Variants in SETD3 observed in about 807,000 individuals in gnomAD.
The protein encoded by SETD3 is SET domain containing 3, actin N3(tau)-histidine methyltransferase, also known as actin-histidine N-methyltransferase.
Under a neutral mutation model 63.0 loss-of-function variants are expected in SETD3, and 19 were observed. That is an observed-to-expected ratio of 0.30 (90% CI 0.21 to 0.44). The LOEUF is 0.44. SETD3 is among the 20% of genes least tolerant of loss of function. The pLI is 1.00. For synonymous variants in SETD3, 286 were observed against 264.1 expected, an observed-to-expected ratio of 1.08 and a Z score of -0.80; for missense variants, 587 against 728.5, an observed-to-expected ratio of 0.81 and a Z score of 2.24.
chr14:99,413,125 AATAAC>A (rs1370262244), intron 7 of SETD3, 60 bp from the exon 8 acceptor site: 16 of 971,570 alleles, frequency 1.6e-5, no homozygotes, highest in Admixed American at 1.1e-4. Flanking sequence ...TGCAGTAAGA[AATAAC>A]ATAACCAAAA....
chr14:99,420,174 C>A (rs1476406348), intron 6 of SETD3, among the ~76,000 whole-genome samples: 2 of 152,130 alleles, frequency 1.3e-5, no homozygotes, highest in Non-Finnish European at 2.9e-5. Context: ...GCCTTTCCCA[C>A]GCTGGCCTCA....
intron 6 of SETD3, among the ~76,000 whole-genome samples, chr14:99,417,344 A>C (rs1241977682): frequency 6.6e-6 from 1 of 152,266 alleles, no homozygotes; most frequent in East Asian, 1.9e-4. Flanking sequence ...AAACCTGTCG[A>C]TATCTCTGGA....
At chr14:99,441,552 G>A (rs753850926) in intron 6 of SETD3, among the ~76,000 whole-genome samples, 1 of 152,248 alleles carries the variant, frequency 6.6e-6, no homozygotes, top group East Asian at 1.9e-4. Context: ...CCGCACGCTA[G>A]CACAGATGTC....
chr14:99,417,006 C>T (rs915399958), intron 6 of SETD3, among the ~76,000 whole-genome samples: 4 of 152,032 alleles, frequency 2.6e-5, no homozygotes, highest in African/African-American at 9.7e-5. Context: ...ATTGTTTGTT[C>T]GGCTTCAATA....
At chr14:99,437,266 C>T (rs1387743281) in intron 6 of SETD3, among the ~76,000 whole-genome samples, 1 of 152,170 alleles carries the variant, frequency 6.6e-6, no homozygotes, top group African/African-American at 2.4e-5. Context: ...GTCTACCTTG[C>T]CACCTCCCTG....
chr14:99,461,446 C>T (rs923172084), intron 3 of SETD3, 106 bp from the exon 4 acceptor site: 4 of 1,091,806 alleles, frequency 3.7e-6, no homozygotes, highest in Non-Finnish European at 5.3e-6. Context: ...TGGAAATAGT[C>T]TTAACACGCC....
chr14:99,457,535 G>T (rs534336483), intron 6 of SETD3, among the ~76,000 whole-genome samples: 1 of 152,328 alleles, frequency 6.6e-6, no homozygotes, highest in African/African-American at 2.4e-5. Context: ...CAAAGACAAG[G>T]AAAGCGAGCA....
intron 6 of SETD3, among the ~76,000 whole-genome samples, chr14:99,451,954 T>C (rs991295425): frequency 6.6e-6 from 1 of 152,190 alleles, no homozygotes; most frequent in Non-Finnish European, 1.5e-5. Context: ...AGAAGATATT[T>C]GACATACACT....
At chr14:99,445,202 C>G (rs1894065939) in intron 6 of SETD3, among the ~76,000 whole-genome samples, 1 of 152,190 alleles carries the variant, frequency 6.6e-6, no homozygotes, top group African/African-American at 2.4e-5. Context: ...ACGACCTGAA[C>G]TTGGTCTCAT....
chr14:99,424,390 C>A (rs1337657289), intron 6 of SETD3, among the ~76,000 whole-genome samples: 1 of 152,062 alleles, frequency 6.6e-6, no homozygotes, highest in Non-Finnish European at 1.5e-5. Context: ...GGGAAAGAAG[C>A]CAGACCCCAG....
intron 6 of SETD3, among the ~76,000 whole-genome samples, chr14:99,433,985 GA>G (rs1463280055): frequency 3.9e-5 from 6 of 152,162 alleles, no homozygotes; most frequent in African/African-American, 1.4e-4. Context: ...CCACTTCAGA[GA>G]ACGGTTTATC....
intron 1 of SETD3, among the ~76,000 whole-genome samples, chr14:99,467,797 G>A (rs1476119156): frequency 6.6e-6 from 1 of 152,082 alleles, no homozygotes; most frequent in Non-Finnish European, 1.5e-5. Context: ...GTTCTGCACC[G>A]GCCCTCACAG....
At chr14:99,480,432 G>A (rs1025729092) in intron 1 of SETD3, among the ~76,000 whole-genome samples, 4 of 151,722 alleles carry the variant, frequency 2.6e-5, no homozygotes, top group Non-Finnish European at 4.4e-5. Context: ...GAGCGTGGGC[G>A]CCAGAGGGGA....
intron 6 of SETD3, among the ~76,000 whole-genome samples, chr14:99,427,405 T>G (rs1378167079): frequency 6.6e-6 from 1 of 152,330 alleles, no homozygotes; most frequent in East Asian, 1.9e-4. Context: ...ATATTTACTG[T>G]GCTACTCTTG....
At chr14:99,400,054 TAAC>T in intron 12 of SETD3, 42 bp downstream of exon 12, 1 of 1,536,582 alleles carries the variant, frequency 6.5e-7, no homozygotes, top group Non-Finnish European at 8.8e-7. Context: ...TTAAACATCT[TAAC>T]AACACAACAA....
intron 11 of SETD3, among the ~76,000 whole-genome samples, chr14:99,400,860 C>T (rs1373453091): frequency 1.3e-5 from 2 of 152,188 alleles, no homozygotes; most frequent in African/African-American, 4.8e-5. Context: ...AGTTAATGGG[C>T]CGGGCGCAGT....
chr14:99,427,759 G>A (rs1361367294), intron 6 of SETD3, among the ~76,000 whole-genome samples: 1 of 152,204 alleles, frequency 6.6e-6, no homozygotes, highest in Non-Finnish European at 1.5e-5. Context: ...CTTTTAAGGA[G>A]CCAACGACTT....
chr14:99,459,587 C>T (rs148234972), intron 4 of SETD3, among the ~76,000 whole-genome samples: 21 of 152,298 alleles, frequency 1.4e-4, no homozygotes, highest in African/African-American at 4.6e-4. Context: ...CCTAATCTGT[C>T]GATGTGAATT....
Position 99,405,655 on chromosome 14 carries a change from G to C in SETD3, c.925-284C>G, listed in dbSNP as rs372245718. ...CCTTACTAGTACTCAAAGGACCCCA[G>C]GTGACCTGGGGTCACCAGGCCTCTA... is the stretch of plus-strand genomic sequence containing the variant. On this transcript the variant is annotated intron_variant, in intron 9 of 12. Coordinates refer to ENST00000331768, the MANE Select transcript of SETD3 (RefSeq NM_032233.3). Among the ~76,000 whole-genome samples the C allele has an allele frequency of 1.6e-4, 25 of 152,230 alleles. No homozygotes were observed. The South Asian group carries it at 4.8e-3, about 29-fold the overall frequency.
Sources: allele counts gnomAD v4.1 joint callset (sites outside exome capture counted in the v4.1 genomes callset), GRCh38; gene constraint gnomAD v4.1.1; transcripts MANE v1.5; gene names NCBI Gene and HGNC (gene_info 2026-07-23, HGNC 2026-07-21).